Variants in PLEKHG3 observed in about 807,000 individuals in gnomAD.
PLEKHG3 encodes pleckstrin homology and RhoGEF domain containing G3, also known as pleckstrin homology domain-containing family G member 3.
PLEKHG3 carries 62 observed loss-of-function variants against 94.9 expected under a neutral mutation model. The ratio of observed to expected loss-of-function variants is 0.65; its 90% confidence interval spans 0.53 to 0.81. The LOEUF (loss-of-function observed/expected upper bound fraction) is 0.81, where lower values mean the gene tolerates loss of function less well. Among genes scored for constraint, PLEKHG3 ranks in the 30% least tolerant of loss-of-function variants. The pLI, the probability that PLEKHG3 is intolerant of heterozygous loss-of-function variation, is 0.00. For missense variants in PLEKHG3, 1,461 were observed against 1,619.3 expected, an observed-to-expected ratio of 0.90 and a Z score of 1.68; for synonymous variants, 614 against 654.0, an observed-to-expected ratio of 0.94 and a Z score of 0.93.
At position 64,704,555 on chromosome 14, in the gene PLEKHG3, G is replaced by A. The variant is rs2080942688; in HGVS notation, c.-189G>A. ...CCGCGCTTGCAGCTGGCCGAGTCCG[G>A]GCCAGCTGAGGGGCTGGCGGTGGGC... is the stretch of plus-strand genomic sequence containing the variant. On this transcript the variant is annotated 5_prime_UTR_variant, in exon 1 of 17. Transcript: ENST00000247226. This position sits in a 1 kb window ranked among gnomAD's most constrained non-coding sequence, Gnocchi z 5.6. 6.5e-6 allele frequency: 1 copy of A among 153,236 alleles called. No homozygotes were observed. The highest frequency in any genetic ancestry group is 1.5e-5 in the Non-Finnish European group (1 of 68,582). The allele number at this position is 153,236 out of a possible 1,614,324, so 9.5% of individuals were successfully genotyped here. A position where few individuals can be genotyped will look rare whatever the true frequency, so the allele number is the denominator to read the frequency against.
At position 64,728,444 on chromosome 14, in the gene PLEKHG3, G is replaced by A. The variant is rs1040316573; in HGVS notation, c.351+462G>A. ...GCCCTCTGCCCCACTGGCTCAGGGC[G>A]TGGATTAGTTTCCTAGGGCTGCCTT... is the stretch of plus-strand genomic sequence containing the variant. On this transcript the variant is annotated intron_variant, in intron 2 of 16. Coordinates refer to ENST00000247226, the MANE Select transcript of PLEKHG3 (RefSeq NM_001308147.2). The surrounding 1 kb of genome is among the most constrained non-coding windows in gnomAD (Gnocchi z 5.9). Among the ~76,000 whole-genome samples the A allele has an allele frequency of 4.6e-5, 7 of 152,266 alleles. No homozygotes were observed. The highest frequency in any genetic ancestry group is 9.6e-5 in the African/African-American group (4 of 41,468).
In PLEKHG3 at chr14:64,716,496, A is replaced by AAC. The variant is rs58480790; in HGVS notation, c.-39-11043_-39-11042dup. ...ACACACACACAACACACACACACAC[A>AAC]ACACACACACACACACACACACACA... On this transcript the variant is annotated intron_variant, in intron 1 of 16. Coordinates refer to ENST00000247226, the MANE Select transcript of PLEKHG3 (RefSeq NM_001308147.2). The surrounding 1 kb of genome is among the most constrained non-coding windows in gnomAD (Gnocchi z 5.0). 0.18 allele frequency among the ~76,000 whole-genome samples: 14,326 copies of AAC among 79,296 alleles called. 1,416 individuals carry two copies. The highest frequency in any genetic ancestry group is 0.21 in the Non-Finnish European group (8,623 of 41,046). 52.0% of individuals were successfully genotyped at this position (79,296 alleles called of 152,430 possible).
rs1207029767 is a variant in PLEKHG3, at chr14:64,728,861, T to TG, written c.352-131dup. ...TGGGGTTCCAAGTGGACATGAATTT[T>TG]GGGGTGGACACTGTCTCACAGTAGG... On this transcript the variant is annotated intron_variant, in intron 2 of 16. Coordinates refer to ENST00000247226, the MANE Select transcript of PLEKHG3 (RefSeq NM_001308147.2). The surrounding 1 kb of genome is among the most constrained non-coding windows in gnomAD (Gnocchi z 5.9). 1 of 511,474 alleles carries TG rather than the reference T, an allele frequency of 2.0e-6. No individual in the cohort carries two copies. The highest frequency in any genetic ancestry group is 3.5e-6 in the Non-Finnish European group (1 of 286,018). 31.7% of individuals were successfully genotyped at this position (511,474 alleles called of 1,614,324 possible). A position where few individuals can be genotyped will look rare whatever the true frequency, so the allele number is the denominator to read the frequency against.
chr14:64,716,481 AACACACACACACACAACACACAC>A lies in PLEKHG3; in HGVS notation c.-39-11096_-39-11074del, dbSNP rs2081157345. 8.6e-6 allele frequency among the ~76,000 whole-genome samples: 1 copy of A among 116,408 alleles called. No homozygotes were observed. The highest frequency in any genetic ancestry group is 2.8e-4 in the South Asian group (1 of 3,570). The allele number at this position is 116,408 out of a possible 152,430, so 76.4% of individuals were successfully genotyped here. ...ACACACACACAACACACACACACACAACACACACACACACAACACACACACACACACACACACACACACACACA... is the reference window on the plus strand; with the variant it reads ...ACACACACACAACACACACACACACAACACACACACACACACACACACACA... On this transcript the variant is annotated intron_variant, in intron 1 of 16. Coordinates refer to ENST00000247226, the MANE Select transcript of PLEKHG3 (RefSeq NM_001308147.2). This position sits in a 1 kb window ranked among gnomAD's most constrained non-coding sequence, Gnocchi z 5.0.
Position 64,731,318 on chromosome 14 carries a change from C to A in PLEKHG3, c.850-43C>A. 6.5e-7 allele frequency: 1 copy of A among 1,546,650 alleles called. No homozygotes were observed. Among genetic ancestry groups the A allele is most frequent in the Non-Finnish European group, 8.9e-7 (1 of 1,121,986 alleles). ...GCAGGGTTTGCAGAGCCTCCTAAGG[C>A]CCCAGTGGCCTGACTCTAGGGATTG... On this transcript the variant is annotated intron_variant, in intron 7 of 16. Coordinates refer to ENST00000247226, the MANE Select transcript of PLEKHG3 (RefSeq NM_001308147.2). This position sits in a 1 kb window ranked among gnomAD's most constrained non-coding sequence, Gnocchi z 6.1.
intron 12 of PLEKHG3, among the ~76,000 whole-genome samples, chr14:64,736,095 C>T (rs2081563586): frequency 6.6e-6 from 1 of 152,208 alleles, no homozygotes; most frequent in Non-Finnish European, 1.5e-5. Flanking sequence ...CATGGCGATC[C>T]CTGGGCCTCC....
chr14:64,743,139 G>A lies in PLEKHG3; in HGVS notation c.3096G>A (p.Arg1032=), dbSNP rs112642934. The change falls in exon 17 of 17, where the codon CGG becomes CGA. Residue 1032 remains arginine (R), a synonymous_variant. Transcript: ENST00000247226. The surrounding 1 kb of genome is among the most constrained non-coding windows in gnomAD (Gnocchi z 7.2). ...VSQRTTSPGG[R]PSARSPLSPT... ...AGAGGACCACCTCGCCTGGGGGCCGGCCCTCCGCCCGGAGCCCCCTCAGCC... is the reference window on the plus strand; with the variant it reads ...AGAGGACCACCTCGCCTGGGGGCCGACCCTCCGCCCGGAGCCCCCTCAGCC... 4.0e-5 allele frequency: 65 copies of A among 1,611,486 alleles called. 1 individual carries two copies. The South Asian group carries it at 7.1e-4, about 18-fold the overall frequency.
At chr14:64,733,252 C>T (rs1477534249) in intron 12 of PLEKHG3, among the ~76,000 whole-genome samples, 1 of 150,100 alleles carries the variant, frequency 6.7e-6, no homozygotes, top group Non-Finnish European at 1.5e-5. Flanking sequence ...GCAACCTCTG[C>T]CTCCTGGGTT....
At chr14:64,736,404 T>A (rs1011404156) in intron 12 of PLEKHG3, among the ~76,000 whole-genome samples, 1 of 152,196 alleles carries the variant, frequency 6.6e-6, no homozygotes, top group Non-Finnish European at 1.5e-5. Flanking sequence ...GCTGGGATGC[T>A]GTGAGGGGCT....
chr14:64,742,930 G>T, intron 16 of PLEKHG3, 52 bp from the exon 17 acceptor site: 2 of 1,602,234 alleles, frequency 1.2e-6, no homozygotes, highest in South Asian at 2.2e-5. Flanking sequence ...GCACCCCCTT[G>T]CAGCTCTGCC....
chr14:64,732,600 A>G lies in PLEKHG3; in HGVS notation c.1246+140A>G. On this transcript the variant is annotated intron_variant, in intron 11 of 16. Transcript: ENST00000247226. The surrounding 1 kb of genome is among the most constrained non-coding windows in gnomAD (Gnocchi z 4.9). The stretch of plus-strand genomic sequence containing the variant: ...GTCTCCTGTTAAGGGCTGGGGGGTG[A>G]ACTACATGATTAAGGATGCTCTCCT... 1.2e-6 allele frequency: 1 copy of G among 816,632 alleles called. No homozygotes were observed. The highest frequency in any genetic ancestry group is 2.1e-6 in the Non-Finnish European group (1 of 472,298). 50.6% of individuals were successfully genotyped at this position (816,632 alleles called of 1,614,324 possible). A position where few individuals can be genotyped will look rare whatever the true frequency, so the allele number is the denominator to read the frequency against.
At position 64,709,962 on chromosome 14, in the gene PLEKHG3, C is replaced by G. The variant is rs137858907; in HGVS notation, c.-40+5258C>G. Among the ~76,000 whole-genome samples, 667 of 152,170 alleles carry G rather than the reference C, an allele frequency of 4.4e-3. 6 individuals carry two copies. Among genetic ancestry groups the G allele is most frequent in the African/African-American group, 0.015 (641 of 41,490 alleles). On this transcript the variant is annotated intron_variant, in intron 1 of 16. Coordinates refer to ENST00000247226, the MANE Select transcript of PLEKHG3 (RefSeq NM_001308147.2). ...TGTTCTGTTCCTGACAGAGAATGTC[C>G]ATAAGATTCTAAGAAGTTAACCTGT...
At chr14:64,705,266 T>C (rs1369175754) in intron 1 of PLEKHG3, among the ~76,000 whole-genome samples, 5 of 152,214 alleles carry the variant, frequency 3.3e-5, no homozygotes, top group African/African-American at 9.6e-5. Context: ...CCTCGTCCAC[T>C]CCTGAAGTCG....
rs1555359440 is a variant in PLEKHG3, at chr14:64,716,496, A to ACCACACACAC, written c.-39-11097_-39-11096insCCACACACAC. Among the ~76,000 whole-genome samples the ACCACACACAC allele has an allele frequency of 2.5e-5, 2 of 79,500 alleles. No individual in the cohort carries two copies. The highest frequency in any genetic ancestry group is 5.1e-5 in the African/African-American group (1 of 19,598). The allele number at this position is 79,500 out of a possible 152,430, so 52.2% of individuals were successfully genotyped here. ...ACACACACACAACACACACACACAC[A>ACCACACACAC]ACACACACACACACACACACACACA... On this transcript the variant is annotated intron_variant, in intron 1 of 16. Coordinates refer to ENST00000247226, the MANE Select transcript of PLEKHG3 (RefSeq NM_001308147.2). The surrounding 1 kb of genome is among the most constrained non-coding windows in gnomAD (Gnocchi z 5.0).
In PLEKHG3 at chr14:64,732,177, A is replaced by G. The variant is rs143509658; in HGVS notation, c.1208A>G (p.Gln403Arg). 17 of 1,612,378 alleles carry G rather than the reference A, an allele frequency of 1.1e-5. No individual in the cohort carries two copies. The highest frequency in any genetic ancestry group is 4.5e-5 in the East Asian group (2 of 44,878). ...ILENHHATIPQKAKEAILEMD... is the reference protein window; with the variant it reads ...ILENHHATIPRKAKEAILEMD... ...GAGAACCACCATGCCACCATTCCCC[A>G]GAAGGTGAGTTCCCCCAGCTCCTGA... Residue 403 changes from glutamine (Q) to arginine (R), a missense_variant, in exon 10 of 17, where the codon CAG becomes CGG. This residue lies in a region of PLEKHG3 where 1,201 missense variants were observed against 1,295.5 expected (regional missense o/e 0.93). Transcript: ENST00000247226. The surrounding 1 kb of genome is among the most constrained non-coding windows in gnomAD (Gnocchi z 4.9).
In PLEKHG3 at chr14:64,727,946, G is replaced by A. The variant is rs756037132; in HGVS notation, c.315G>A (p.Glu105=). The change falls in exon 2 of 17, where the codon GAG becomes GAA. Residue 105 remains glutamate (E), a synonymous_variant. Coordinates refer to ENST00000247226, the MANE Select transcript of PLEKHG3 (RefSeq NM_001308147.2). The surrounding 1 kb of genome is among the most constrained non-coding windows in gnomAD (Gnocchi z 6.0). ...TGGTGCGGGAGATCGTGGAGACAGA[G>A]CGCATGTACGTACAGGACCTGCGCA... ...GRVVREIVET[E]RMYVQDLRSI... The A allele has an allele frequency of 5.6e-6, 9 of 1,601,864 alleles. No homozygotes were observed. The South Asian group carries it at 9.9e-5, about 18-fold the overall frequency.
rs1238582836 is a variant in PLEKHG3 at position 64,732,451 on chromosome 14, G to T, written c.1237G>T (p.Asp413Tyr). 1 of 1,613,422 alleles carries T rather than the reference G, an allele frequency of 6.2e-7. No homozygotes were observed. Among genetic ancestry groups the T allele is most frequent in the East Asian group, 2.2e-5 (1 of 44,880 alleles). Residue 413 changes from aspartate (D) to tyrosine (Y), a missense_variant, in exon 11 of 17, where the codon GAT (aspartate) becomes TAT (tyrosine). By Grantham distance (160) the Asp-to-Tyr change is radical (BLOSUM62 -3). Around this residue, in one of 3 missense-constraint regions of PLEKHG3, gnomAD observed 1,201 missense variants for 1,295.5 expected, o/e 0.93. Transcript: ENST00000247226. The surrounding 1 kb of genome is among the most constrained non-coding windows in gnomAD (Gnocchi z 4.9). ...GGCCAAGGAAGCCATCTTGGAAATG[G>T]ATTCCTATTGTAAGTGTACCCTTTT... ...QKAKEAILEM[D>Y]SYYPNRYRCS...
intron 1 of PLEKHG3, among the ~76,000 whole-genome samples, chr14:64,707,696 C>T (rs1271566756): frequency 1.3e-5 from 2 of 152,218 alleles, no homozygotes; most frequent in African/African-American, 2.4e-5. Flanking sequence ...TGCCTGAAGG[C>T]GGTATTTTTC....
intron 1 of PLEKHG3, among the ~76,000 whole-genome samples, chr14:64,709,841 G>T (rs2081040065): frequency 6.6e-6 from 1 of 151,830 alleles, no homozygotes; most frequent in Non-Finnish European, 1.5e-5. Context: ...AGTGCCTGTT[G>T]TACAGTAGGA....
Sources: gnomAD v4.1 joint callset for allele counts (sites outside exome capture counted in the v4.1 genomes callset) on GRCh38, gnomAD v4.1.1 for gene constraint, gnomAD v4.1.1 regional missense constraint, Gnocchi (gnomAD v3.1) non-coding constraint, MANE v1.5 for transcripts, NCBI Gene and HGNC (gene_info 2026-07-23, HGNC 2026-07-21) for gene names.